Variants in BRD2 observed in about 807,000 individuals in gnomAD.
BRD2 encodes the protein bromodomain-containing protein 2.
A neutral mutation model predicts 79.1 loss-of-function variants in BRD2; 15 were observed. That is an observed-to-expected ratio of 0.19 (90% confidence interval 0.13 to 0.29). The LOEUF (loss-of-function observed/expected upper bound fraction) is 0.29, where lower values mean the gene tolerates loss of function less well. Among genes scored for constraint, BRD2 ranks in the 10% least tolerant of loss-of-function variants. BRD2 has a pLI of 1.00. For missense variants in BRD2, 1,053 were observed against 991.3 expected (o/e 1.06, Z -0.84); for synonymous variants, 488 against 358.6 (o/e 1.36, Z -4.08).
rs1326494937 is a variant in BRD2, at chr6:32,979,851, C to G, written c.1865C>G (p.Thr622Arg). 6.2e-7 allele frequency: 1 copy of G among 1,612,458 alleles called. No homozygotes were observed. Among genetic ancestry groups the G allele is most frequent in the South Asian group, 1.1e-5 (1 of 91,054 alleles). ...AGGCTCCCCAAAAAGGCCACAAAGA[C>G]AGCCCCACCTGCCCTGCCTACAGGT... ...GTKLPKKATK[T>R]APPALPTGYD... Residue 622 changes from threonine (T) to arginine (R), a missense_variant, in exon 11 of 13, where the codon ACA becomes AGA. By Grantham distance (71) the Thr-to-Arg change is moderately conservative. This residue lies in a region of BRD2 where 454 missense variants were observed against 430.5 expected (regional missense o/e 1.05). Transcript: ENST00000374825.
In BRD2 at chr6:32,979,824, T is replaced by C. The variant is rs925889199; in HGVS notation, c.1842-4T>C. On this transcript the variant is annotated splice_region_variant and splice_polypyrimidine_tract_variant and intron_variant, in intron 10 of 12. Transcript: ENST00000374825. ...CTTTTGCTGACAACTCTTTTTGCCC[T>C]TAGGCTCCCCAAAAAGGCCACAAAG... 1 of 1,610,360 alleles carries C rather than the reference T, an allele frequency of 6.2e-7. No homozygotes were observed. The highest frequency in any genetic ancestry group is 1.7e-5 in the Admixed American group (1 of 59,838).
rs1561924728 is a variant in BRD2, at chr6:32,972,257, T to A, written c.-642T>A. ...CGAGCTGGAGGATTCTGCCTACCGA[T>A]ACAGAGCCTTCGAGTCGTCCGGGGC... On this transcript the variant is annotated 5_prime_UTR_variant, in exon 2 of 13. Coordinates refer to ENST00000374825, the MANE Select transcript of BRD2 (RefSeq NM_005104.4). 2.2e-6 allele frequency: 1 copy of A among 451,430 alleles called. No individual in the cohort carries two copies. The highest frequency in any genetic ancestry group is 4.7e-5 in the East Asian group (1 of 21,212). 28.0% of individuals were successfully genotyped at this position (451,430 alleles called of 1,614,324 possible). A position where few individuals can be genotyped will look rare whatever the true frequency, so the allele number is the denominator to read the frequency against.
At position 32,977,973 on chromosome 6, in the gene BRD2, A is replaced by G. The variant is rs1281144787; in HGVS notation, c.1546A>G (p.Arg516Gly). The change falls in exon 9 of 13, where the codon AGG (arginine) becomes GGG (glycine). Residue 516 changes from arginine to glycine, a missense_variant. Transcript: ENST00000374825. ...ESESSDSEEE[R>G]AHRLAELQEQ... ...TGAAAGCTCAGACTCAGAGGAAGAA[A>G]GGGCTCATCGCTTAGCAGAACTACA... 6.2e-7 allele frequency: 1 copy of G among 1,611,554 alleles called. No individual in the cohort carries two copies. The highest frequency in any genetic ancestry group is 8.5e-7 in the Non-Finnish European group (1 of 1,180,026).
chr6:32,975,541 C>A lies in BRD2; in HGVS notation c.471+20C>A. 6.2e-7 allele frequency: 1 copy of A among 1,610,312 alleles called. No individual in the cohort carries two copies. Among genetic ancestry groups the A allele is most frequent in the South Asian group, 1.1e-5 (1 of 90,444 alleles). On this transcript the variant is annotated intron_variant, in intron 4 of 12. Transcript: ENST00000374825. ...AACAAGGTGAGTTTTTCTGTGTGTT[C>A]ATTTAGTAGGTGGGGAGAAACAGTA... is the stretch of plus-strand genomic sequence containing the variant.
Position 32,972,585 on chromosome 6 carries a change from T to A in BRD2, c.-314T>A. 1.9e-6 allele frequency: 1 copy of A among 521,602 alleles called. No homozygotes were observed. The highest frequency in any genetic ancestry group is 3.4e-6 in the Non-Finnish European group (1 of 291,528). 32.3% of individuals were successfully genotyped at this position (521,602 alleles called of 1,614,324 possible). On this transcript the variant is annotated 5_prime_UTR_variant, in exon 2 of 13. Coordinates refer to ENST00000374825, the MANE Select transcript of BRD2 (RefSeq NM_005104.4). ...ATCCCTGCAGACCAACAGCGGGCTA[T>A]ATTGACGACGGTGTCTGAGATCGGG...
intron 10 of BRD2, 139 bp downstream of exon 10, chr6:32,978,527 G>A (rs1779081939): frequency 1.4e-6 from 2 of 1,416,682 alleles, no homozygotes; most frequent in East Asian, 2.3e-5. Context: ...AACCTTTTTG[G>A]CACCAGGGAC....
chr6:32,974,844 A>C, intron 3 of BRD2, 79 bp downstream of exon 3: 1 of 1,523,522 alleles, frequency 6.6e-7, no homozygotes, highest in South Asian at 1.2e-5. Flanking sequence ...CCTAGTGTAG[A>C]TGCTGCGGCC....
chr6:32,975,894 C>G, intron 4 of BRD2, 137 bp from the exon 5 acceptor site: 1 of 1,085,768 alleles, frequency 9.2e-7, no homozygotes, highest in Non-Finnish European at 1.3e-6. Context: ...AGGAAATTTT[C>G]TTTAAGATTT....
chr6:32,974,380 C>T, intron 2 of BRD2, 82 bp from the exon 3 acceptor site: 2 of 1,428,466 alleles, frequency 1.4e-6, no homozygotes, highest in East Asian at 2.3e-5. Flanking sequence ...AGGGCCAGCA[C>T]CTGGATTCAT....
intron 2 of BRD2, 102 bp downstream of exon 2, chr6:32,973,029 C>G: frequency 6.2e-7 from 1 of 1,611,984 alleles, no homozygotes; most frequent in Non-Finnish European, 8.5e-7. Context: ...CGGCGCGCTG[C>G]TGTTGCGGCG....
At chr6:32,974,136 C>G (rs902526773) in intron 2 of BRD2, among the ~76,000 whole-genome samples, 1 of 152,152 alleles carries the variant, frequency 6.6e-6, no homozygotes, top group Non-Finnish European at 1.5e-5. Flanking sequence ...TGCTTAAGCC[C>G]CATCCCCATA....
In BRD2 at chr6:32,980,860, T is replaced by C; in HGVS notation, c.*142T>C. 1 of 996,606 alleles carries C rather than the reference T, an allele frequency of 1.0e-6. No homozygotes were observed. The highest frequency in any genetic ancestry group is 2.6e-5 in the East Asian group (1 of 38,768). 61.7% of individuals were successfully genotyped at this position (996,606 alleles called of 1,614,324 possible). ...CCCTCTAGGAGAGCTGGCTCTGCAG[T>C]GGGGGAGGGATGCAGGGACATTTAC... is the stretch of plus-strand genomic sequence containing the variant. On this transcript the variant is annotated 3_prime_UTR_variant, in exon 13 of 13. Transcript: ENST00000374825.
intron 2 of BRD2, chr6:32,973,141 A>G (rs1203441856): frequency 9.7e-6 from 15 of 1,549,068 alleles, no homozygotes; most frequent in Non-Finnish European, 9.6e-6. Context: ...TTGTCAATTT[A>G]TACGCTATTA....
rs960515082 is a variant in BRD2 at position 32,972,170 on chromosome 6, A to G, written c.-729A>G. On this transcript the variant is annotated 5_prime_UTR_variant, in exon 2 of 13. The change creates a new upstream start codon in the 5' untranslated region. Coordinates refer to ENST00000374825, the MANE Select transcript of BRD2 (RefSeq NM_005104.4). ...CGAAGCTCCTCCTCCCCGCCTATATATAAAGGGCTGGCGCGGGGCTCGGCG... is the reference window on the plus strand; with the variant it reads ...CGAAGCTCCTCCTCCCCGCCTATATGTAAAGGGCTGGCGCGGGGCTCGGCG... 32 of 598,632 alleles carry G rather than the reference A, an allele frequency of 5.3e-5. No homozygotes were observed. Among genetic ancestry groups the G allele is most frequent in the Non-Finnish European group, 8.5e-5 (28 of 329,458 alleles). 37.1% of individuals were successfully genotyped at this position (598,632 alleles called of 1,614,324 possible). A position where few individuals can be genotyped will look rare whatever the true frequency, so the allele number is the denominator to read the frequency against.
Position 32,971,872 on chromosome 6 carries a change from C to T in BRD2, c.-1027C>T, listed in dbSNP as rs1371610960. 4 of 701,770 alleles carry T rather than the reference C, an allele frequency of 5.7e-6. No individual in the cohort carries two copies. Among genetic ancestry groups the T allele is most frequent in the Non-Finnish European group, 1.0e-5 (4 of 384,480 alleles). The allele number at this position is 701,770 out of a possible 1,614,324, so 43.5% of individuals were successfully genotyped here. A position where few individuals can be genotyped will look rare whatever the true frequency, so the allele number is the denominator to read the frequency against. On this transcript the variant is annotated 5_prime_UTR_variant, in exon 2 of 13. Coordinates refer to ENST00000374825, the MANE Select transcript of BRD2 (RefSeq NM_005104.4). ...CTTCCGCACCTCTTCCAACCACCCT[C>T]TTTCCCTGGAGTCGGCGGACCACAG...
At chr6:32,972,982 G>C in intron 2 of BRD2, 55 bp downstream of exon 2, 10 of 1,613,902 alleles carry the variant, frequency 6.2e-6, no homozygotes, top group Non-Finnish European at 8.5e-6. Flanking sequence ...GGCGGCACAG[G>C]GGTGTGGGGC....
intron 2 of BRD2, chr6:32,973,141 A>C: frequency 6.5e-7 from 1 of 1,549,068 alleles, no homozygotes; most frequent in Non-Finnish European, 8.7e-7. Flanking sequence ...TTGTCAATTT[A>C]TACGCTATTA....
At chr6:32,977,327 T>G in intron 7 of BRD2, 115 bp from the exon 8 acceptor site, 1 of 1,605,646 alleles carries the variant, frequency 6.2e-7, no homozygotes, top group East Asian at 2.2e-5. Flanking sequence ...GCACAGATCC[T>G]TAAGGTCATC....
chr6:32,975,929 A>C, intron 4 of BRD2, 102 bp from the exon 5 acceptor site: 1 of 1,299,356 alleles, frequency 7.7e-7, no homozygotes, highest in Non-Finnish European at 1.1e-6. Flanking sequence ...TGGTGGGGGT[A>C]TGGTAATGGC....
Sources: allele counts gnomAD v4.1 joint callset (sites outside exome capture counted in the v4.1 genomes callset), GRCh38; gene constraint gnomAD v4.1.1; regional missense constraint gnomAD v4.1.1; transcripts MANE v1.5; gene names NCBI Gene and HGNC (gene_info 2026-07-23, HGNC 2026-07-21).